Variants in TMEM117 observed in about 807,000 individuals in gnomAD.
TMEM117 encodes transmembrane protein 117.
Under a neutral mutation model 52.4 loss-of-function variants are expected in TMEM117, and 27 were observed. The observed-to-expected ratio is 0.51, with a 90% CI of 0.38 to 0.71. The LOEUF (loss-of-function observed/expected upper bound fraction) is 0.71. TMEM117 is among the 30% of genes least tolerant of loss of function. The pLI, the probability that TMEM117 is intolerant of heterozygous loss-of-function variation, is 0.00. For synonymous variants in TMEM117, 215 were observed against 206.3 expected (o/e 1.04, Z -0.36); for missense variants, 556 against 630.5 (o/e 0.88, Z 1.26).
intron 3 of TMEM117, among the ~76,000 whole-genome samples, chr12:44,054,467 T>C (rs1467121752): frequency 6.6e-6 from 1 of 152,196 alleles, no homozygotes; most frequent in African/African-American, 2.4e-5. Context: ...GTCACAGTGT[T>C]AGTTATGATC....
At position 43,872,588 on chromosome 12, in the gene TMEM117, G is replaced by GGAAGATC. The variant is rs1406478445; in HGVS notation, c.277+27661_277+27667dup. Reference sequence around the variant, plus strand: ...CCAGAGAATTAGCTTATTCAAGAATGGAAGATCATAAATCATTACATGACA... The same window carrying GGAAGATC: ...CCAGAGAATTAGCTTATTCAAGAATGGAAGATCGAAGATCATAAATCATTACATGACA... On this transcript the variant is annotated intron_variant, in intron 2 of 7. Coordinates refer to ENST00000266534, the MANE Select transcript of TMEM117 (RefSeq NM_032256.3). Among the ~76,000 whole-genome samples the GGAAGATC allele has an allele frequency of 2.6e-5, 4 of 152,258 alleles. No individual in the cohort carries two copies. The East Asian group carries it at 7.7e-4, about 29-fold the overall frequency.
chr12:43,970,748 T>G (rs531022543), intron 3 of TMEM117, among the ~76,000 whole-genome samples: 31 of 152,316 alleles, frequency 2.0e-4, no homozygotes, highest in African/African-American at 7.0e-4. Flanking sequence ...AGGGGACTAC[T>G]GTACTGCTTT....
chr12:44,200,662 C>T (rs1406111112), intron 4 of TMEM117, among the ~76,000 whole-genome samples: 1 of 152,118 alleles, frequency 6.6e-6, no homozygotes, highest in Non-Finnish European at 1.5e-5. Flanking sequence ...GACTAAGTGA[C>T]ATATCTAACT....
At chr12:43,845,985 T>C (rs2137359784) in intron 2 of TMEM117, among the ~76,000 whole-genome samples, 1 of 152,338 alleles carries the variant, frequency 6.6e-6, no homozygotes, top group East Asian at 1.9e-4. Flanking sequence ...CAAAGTGTTG[T>C]AGAGAGTTTA....
Position 44,389,031 on chromosome 12 carries a change from A to C in TMEM117, c.*359A>C, listed in dbSNP as rs2138880229. 5.0e-6 allele frequency: 1 copy of C among 200,736 alleles called. No homozygotes were observed. Among genetic ancestry groups the C allele is most frequent in the Non-Finnish European group, 1.0e-5 (1 of 96,516 alleles). 12.4% of individuals were successfully genotyped at this position (200,736 alleles called of 1,614,324 possible). ...CTGTACCAGAAATGAAGTGTGGAACAGTTACCTAACCTATTTCACATGGGC... is the reference window on the plus strand; with the variant it reads ...CTGTACCAGAAATGAAGTGTGGAACCGTTACCTAACCTATTTCACATGGGC... On this transcript the variant is annotated 3_prime_UTR_variant, in exon 8 of 8. Transcript: ENST00000266534.
intron 3 of TMEM117, among the ~76,000 whole-genome samples, chr12:43,999,738 C>T (rs1420442183): frequency 6.6e-6 from 1 of 152,110 alleles, no homozygotes; most frequent in Non-Finnish European, 1.5e-5. Context: ...GCAGTCCACT[C>T]GCCTCAGCCT....
chr12:43,966,101 C>A (rs889840923), intron 3 of TMEM117, among the ~76,000 whole-genome samples: 3 of 152,120 alleles, frequency 2.0e-5, no homozygotes, highest in African/African-American at 7.2e-5. Context: ...TTTATGGCTG[C>A]GTAGTATTCC....
chr12:43,864,283 G>A (rs766461790), intron 2 of TMEM117, among the ~76,000 whole-genome samples: 1 of 152,262 alleles, frequency 6.6e-6, no homozygotes, highest in Non-Finnish European at 1.5e-5. Flanking sequence ...GAGGAGTGCA[G>A]GCACACTGCG....
chr12:43,808,445 A>G, the TMEM117 span, among the ~76,000 whole-genome samples: 1 of 152,168 alleles, frequency 6.6e-6, no homozygotes, highest in Non-Finnish European at 1.5e-5. Context: ...AGTGAAAGGC[A>G]ATTATCACAG....
chr12:44,290,415 ATTTC>A (rs1432117761), intron 5 of TMEM117, among the ~76,000 whole-genome samples: 3 of 152,014 alleles, frequency 2.0e-5, no homozygotes, highest in African/African-American at 7.2e-5. Context: ...TAGGTGTCTA[ATTTC>A]TTTCTTTTGT....
chr12:44,018,701 A>C (rs181903718), intron 3 of TMEM117, among the ~76,000 whole-genome samples: 5 of 147,426 alleles, frequency 3.4e-5, no homozygotes, highest in East Asian at 4.0e-4. Context: ...TACTGTTTTT[A>C]TTTTTCTTTT....
At chr12:44,252,414 G>A (rs145485157) in intron 5 of TMEM117, among the ~76,000 whole-genome samples, 2,116 of 152,268 alleles carry the variant, frequency 0.014, 26 homozygotes, top group Non-Finnish European at 0.022. Flanking sequence ...TGAGGCAGGA[G>A]AATCGCTTGA....
At chr12:44,385,478 G>A (rs1225817859) in intron 7 of TMEM117, among the ~76,000 whole-genome samples, 2 of 152,168 alleles carry the variant, frequency 1.3e-5, no homozygotes, top group Non-Finnish European at 2.9e-5. Flanking sequence ...ACTTGAGCTT[G>A]TAGTTCTAGC....
intron 4 of TMEM117, among the ~76,000 whole-genome samples, chr12:44,199,664 G>T (rs1047705326): frequency 8.5e-5 from 13 of 152,142 alleles, no homozygotes; most frequent in African/African-American, 2.4e-5. Flanking sequence ...CTTTATTGAA[G>T]TATTTAAAAG....
At chr12:44,025,199 A>C (rs139793984) in intron 3 of TMEM117, among the ~76,000 whole-genome samples, 1 of 152,292 alleles carries the variant, frequency 6.6e-6, no homozygotes, top group African/African-American at 2.4e-5. Context: ...TAAAGACTCC[A>C]TCTTGTATAA....
At chr12:44,329,100 C>T (rs1951234243) in intron 6 of TMEM117, among the ~76,000 whole-genome samples, 1 of 151,946 alleles carries the variant, frequency 6.6e-6, no homozygotes, top group African/African-American at 2.4e-5. Context: ...TAAAACATCT[C>T]TCAGGGTTTC....
At chr12:44,202,793 CTTT>C (rs1555132515) in intron 4 of TMEM117, among the ~76,000 whole-genome samples, 2 of 142,854 alleles carry the variant, frequency 1.4e-5, no homozygotes, top group Admixed American at 7.0e-5. Context: ...GAAGTGGTAG[CTTT>C]TTTTTTTTTT....
the TMEM117 span, among the ~76,000 whole-genome samples, chr12:43,822,417 A>G: frequency 6.6e-6 from 1 of 152,214 alleles, no homozygotes; most frequent in Admixed American, 6.5e-5. Context: ...GTTTGGTGAC[A>G]AAATTAATTT....
intron 5 of TMEM117, among the ~76,000 whole-genome samples, chr12:44,285,529 A>G (rs1950627923): frequency 1.3e-5 from 2 of 152,190 alleles, no homozygotes; most frequent in South Asian, 4.1e-4. Flanking sequence ...CACTTGGCAA[A>G]CATTACCTTT....
Sources: gnomAD v4.1 joint callset for allele counts (sites outside exome capture counted in the v4.1 genomes callset) on GRCh38, gnomAD v4.1.1 for gene constraint, MANE v1.5 for transcripts, NCBI Gene and HGNC (gene_info 2026-07-23, HGNC 2026-07-21) for gene names.